Variants in ABTB3 observed in about 807,000 individuals in gnomAD.
The protein encoded by ABTB3 is ankyrin repeat- and BTB/POZ domain-containing protein 3.
chr12:107,396,446 A>G, the ABTB3 span, among the ~76,000 whole-genome samples: 1 of 152,214 alleles, frequency 6.6e-6, no homozygotes, highest in Non-Finnish European at 1.5e-5. Context: ...GGAGTTGTGA[A>G]GACTGAATGA....
At chr12:107,326,563 T>A in the ABTB3 span, among the ~76,000 whole-genome samples, 1 of 152,182 alleles carries the variant, frequency 6.6e-6, no homozygotes, top group South Asian at 2.1e-4. Context: ...TGCCTCCTTC[T>A]TCCTATGCAC....
the ABTB3 span, among the ~76,000 whole-genome samples, chr12:107,508,411 T>G: frequency 6.7e-6 from 1 of 148,766 alleles, no homozygotes; most frequent in African/African-American, 2.5e-5. Context: ...ATTGCCATGA[T>G]GTTAATTAAA....
At chr12:107,635,850 A>ACCCCCCCCCCCCCCCCCCCCCCCCCCC in the ABTB3 span, among the ~76,000 whole-genome samples, 1 of 56,616 alleles carries the variant, frequency 1.8e-5, no homozygotes, top group Admixed American at 2.4e-4. Flanking sequence ...GGGAGGAACA[A>ACCCCCCCCCCCCCCCCCCCCCCCCCCC]CCCCCCCCCC....
the ABTB3 span, among the ~76,000 whole-genome samples, chr12:107,426,764 C>T: frequency 1.3e-5 from 2 of 152,078 alleles, no homozygotes; most frequent in African/African-American, 4.8e-5. Context: ...ATCTGCCCGG[C>T]CACCCAAGCC....
chr12:107,624,282 G>A, the ABTB3 span, among the ~76,000 whole-genome samples: 1 of 150,962 alleles, frequency 6.6e-6, no homozygotes, highest in Admixed American at 6.6e-5. Context: ...TTTTTATTTT[G>A]AGATAATTGT....
At chr12:107,505,532 G>GGAAAAC in the ABTB3 span, among the ~76,000 whole-genome samples, 1 of 151,712 alleles carries the variant, frequency 6.6e-6, no homozygotes, top group African/African-American at 2.4e-5. Flanking sequence ...AGTTACTTGG[G>GGAAAAC]GAAAACAAAA....
chr12:107,583,063 A>G, the ABTB3 span, among the ~76,000 whole-genome samples: 4 of 152,344 alleles, frequency 2.6e-5, no homozygotes, highest in East Asian at 7.7e-4. Context: ...GAGTTAATCA[A>G]CTGTGCAAAC....
the ABTB3 span, among the ~76,000 whole-genome samples, chr12:107,529,613 A>G: frequency 6.6e-6 from 1 of 152,236 alleles, no homozygotes; most frequent in Non-Finnish European, 1.5e-5. Context: ...GGTAGGTACT[A>G]TTATTGTCCT....
At chr12:107,381,538 C>T in the ABTB3 span, among the ~76,000 whole-genome samples, 1 of 152,188 alleles carries the variant, frequency 6.6e-6, no homozygotes, top group Non-Finnish European at 1.5e-5. Context: ...AGGGCAGATA[C>T]AAGAGACTAG....
At chr12:107,384,966 G>T in the ABTB3 span, among the ~76,000 whole-genome samples, 1 of 152,226 alleles carries the variant, frequency 6.6e-6, no homozygotes, top group Admixed American at 6.5e-5. Flanking sequence ...GTCACACCAT[G>T]TCATGTAGCT....
the ABTB3 span, among the ~76,000 whole-genome samples, chr12:107,500,035 T>G: frequency 1.3e-5 from 2 of 152,074 alleles, no homozygotes; most frequent in African/African-American, 4.8e-5. Context: ...CCCACTCTCA[T>G]GAGAACAGCA....
chr12:107,405,387 A>G, the ABTB3 span, among the ~76,000 whole-genome samples: 1 of 152,242 alleles, frequency 6.6e-6, no homozygotes, highest in Non-Finnish European at 1.5e-5. Context: ...GGTCATGGTA[A>G]GGATCCAAGA....
At chr12:107,421,741 C>T in the ABTB3 span, among the ~76,000 whole-genome samples, 9 of 152,190 alleles carry the variant, frequency 5.9e-5, no homozygotes, top group African/African-American at 1.7e-4. Context: ...CCTTCCACTT[C>T]GGCCTAGAGG....
At chr12:107,354,086 C>T in the ABTB3 span, among the ~76,000 whole-genome samples, 1 of 152,136 alleles carries the variant, frequency 6.6e-6, no homozygotes, top group Non-Finnish European at 1.5e-5. Context: ...AGCCATGGAA[C>T]CAACACCGCA....
the ABTB3 span, among the ~76,000 whole-genome samples, chr12:107,428,082 C>T: frequency 6.6e-6 from 1 of 152,224 alleles, no homozygotes; most frequent in South Asian, 2.1e-4. Context: ...AACCCAGATC[C>T]TTGCTCTTTG....
At chr12:107,417,912 C>A in the ABTB3 span, among the ~76,000 whole-genome samples, 4 of 152,188 alleles carry the variant, frequency 2.6e-5, no homozygotes, top group Admixed American at 2.6e-4. Flanking sequence ...ACCCATGGCC[C>A]CACCAGTAGG....
At chr12:107,585,695 G>C in the ABTB3 span, among the ~76,000 whole-genome samples, 1 of 152,216 alleles carries the variant, frequency 6.6e-6, no homozygotes, top group Non-Finnish European at 1.5e-5. Flanking sequence ...TCTGGTGTGG[G>C]CCAAACTGGA....
At chr12:107,422,341 G>C in the ABTB3 span, among the ~76,000 whole-genome samples, 1 of 152,172 alleles carries the variant, frequency 6.6e-6, no homozygotes, top group Admixed American at 6.5e-5. Context: ...AGATCTGCAA[G>C]GCCTTACAGG....
the ABTB3 span, among the ~76,000 whole-genome samples, chr12:107,540,250 T>A: frequency 0.047 from 7,095 of 152,240 alleles, 551 homozygotes; most frequent in African/African-American, 0.16. Context: ...CTTGTTGCCA[T>A]ATCCTCATAT....
Sources: gnomAD v4.1 joint callset for allele counts (sites outside exome capture counted in the v4.1 genomes callset) on GRCh38, gnomAD v4.1.1 for gene constraint, MANE v1.5 for transcripts, NCBI Gene and HGNC (gene_info 2026-07-23, HGNC 2026-07-21) for gene names.